Variants in NCKAP5 observed in about 807,000 individuals in gnomAD.
NCKAP5 encodes the protein NCK associated protein 5.
A neutral mutation model predicts 167.0 loss-of-function variants in NCKAP5; 92 were observed. That is an observed-to-expected ratio of 0.55 (90% CI 0.47 to 0.66). NCKAP5 has a LOEUF of 0.66. Ranked by LOEUF, NCKAP5 falls within the 30% of genes least tolerant of loss-of-function variation. NCKAP5 has a pLI of 0.00. For missense variants in NCKAP5, 2,378 were observed against 2,315.0 expected (o/e 1.03, Z -0.56); for synonymous variants, 891 against 877.4 (o/e 1.02, Z -0.27).
At chr2:132,917,459 T>A (rs181362053) in intron 8 of NCKAP5, among the ~76,000 whole-genome samples, 5 of 152,330 alleles carry the variant, frequency 3.3e-5, no homozygotes, top group African/African-American at 1.2e-4. Flanking sequence ...CATTTTGTCC[T>A]TTAATCTATT....
At chr2:132,775,823 T>C (rs1052939596) in intron 15 of NCKAP5, among the ~76,000 whole-genome samples, 9 of 152,214 alleles carry the variant, frequency 5.9e-5, no homozygotes, top group African/African-American at 1.9e-4. Flanking sequence ...TCAGCTCTTA[T>C]GGCAATATGT....
chr2:133,141,958 G>A (rs2083015165), intron 5 of NCKAP5, among the ~76,000 whole-genome samples: 1 of 152,118 alleles, frequency 6.6e-6, no homozygotes, highest in Non-Finnish European at 1.5e-5. Flanking sequence ...CTAATCACAA[G>A]CTTTGGTTCA....
chr2:132,724,143 G>A (rs1345387357), intron 19 of NCKAP5, among the ~76,000 whole-genome samples: 1 of 151,996 alleles, frequency 6.6e-6, no homozygotes, highest in African/African-American at 2.4e-5. Context: ...AGCTCTCTCT[G>A]CTCAAAAGTC....
intron 5 of NCKAP5, among the ~76,000 whole-genome samples, chr2:133,158,842 A>G (rs908565166): frequency 1.3e-5 from 2 of 151,930 alleles, no homozygotes; most frequent in African/African-American, 4.8e-5. Context: ...CAGAGAACCT[A>G]CTGCTCTTCT....
rs529241417 is a variant in NCKAP5 at position 133,235,853 on chromosome 2, G to A, written c.144-22074C>T. On this transcript the variant is annotated intron_variant, in intron 4 of 19. Coordinates refer to ENST00000409261, the MANE Select transcript of NCKAP5 (RefSeq NM_207363.3). ...CGGGAGGCAGATGTTGCAGTGAGCC[G>A]AGATTGTGCCATCGCACTCCAGCCT... Among the ~76,000 whole-genome samples, 667 of 150,986 alleles carry A rather than the reference G, an allele frequency of 4.4e-3. 5 individuals carry two copies. Among genetic ancestry groups the A allele is most frequent in the African/African-American group, 0.015 (634 of 41,116 alleles).
intron 6 of NCKAP5, among the ~76,000 whole-genome samples, chr2:133,039,880 C>T (rs2079156099): frequency 6.6e-6 from 1 of 152,156 alleles, no homozygotes; most frequent in Non-Finnish European, 1.5e-5. Flanking sequence ...CATATCTATG[C>T]ATAACAGGGC....
rs1232359517 is a variant in NCKAP5 at position 132,749,713 on chromosome 2, C to A, written c.5129-17662G>T. ...TATAAAGGTAGCATTTTTTTTTTTA[C>A]TTAAAATACATATAAGACAAAATAC... On this transcript the variant is annotated intron_variant, in intron 16 of 19. Coordinates refer to ENST00000409261, the MANE Select transcript of NCKAP5 (RefSeq NM_207363.3). Among the ~76,000 whole-genome samples, 4 of 143,650 alleles carry A rather than the reference C, an allele frequency of 2.8e-5. No homozygotes were observed. The East Asian group carries it at 8.3e-4, about 30-fold the overall frequency. 94.2% of individuals were successfully genotyped at this position (143,650 alleles called of 152,430 possible). A position where few individuals can be genotyped will look rare whatever the true frequency, so the allele number is the denominator to read the frequency against.
intron 6 of NCKAP5, among the ~76,000 whole-genome samples, chr2:133,119,532 A>G (rs79105225): frequency 0.11 from 17,491 of 152,230 alleles, 1,246 homozygotes; most frequent in East Asian, 0.37. Context: ...CTAGAAGAGA[A>G]TAATTTGAAT....
chr2:133,239,613 G>T (rs1241235815), intron 4 of NCKAP5, among the ~76,000 whole-genome samples: 2 of 152,106 alleles, frequency 1.3e-5, no homozygotes, highest in Non-Finnish European at 2.9e-5. Flanking sequence ...TCACACCAAA[G>T]AATTATTTTA....
At chr2:133,049,638 A>C (rs1046885521) in intron 6 of NCKAP5, among the ~76,000 whole-genome samples, 4 of 152,118 alleles carry the variant, frequency 2.6e-5, no homozygotes, top group African/African-American at 7.2e-5. Context: ...AAGTGGTAGA[A>C]AATACTAACT....
At chr2:132,884,224 G>A (rs527897295) in intron 8 of NCKAP5, among the ~76,000 whole-genome samples, 17 of 152,314 alleles carry the variant, frequency 1.1e-4, no homozygotes, top group East Asian at 1.9e-4. Context: ...CACACAGCAC[G>A]ATCCTTCTGT....
intron 4 of NCKAP5, among the ~76,000 whole-genome samples, chr2:133,216,278 CTTT>C (rs2086425987): frequency 6.6e-6 from 1 of 151,084 alleles, no homozygotes; most frequent in Admixed American, 6.6e-5. Flanking sequence ...ATTTTTTTTT[CTTT>C]TCTTGGTAAA....
At chr2:133,516,090 C>T (rs1252087737) in intron 3 of NCKAP5, among the ~76,000 whole-genome samples, 1 of 152,208 alleles carries the variant, frequency 6.6e-6, no homozygotes, top group Non-Finnish European at 1.5e-5. Context: ...TCTTGAGCTG[C>T]TCACATCATA....
At chr2:133,384,484 T>C (rs1280728130) in intron 3 of NCKAP5, among the ~76,000 whole-genome samples, 1 of 152,240 alleles carries the variant, frequency 6.6e-6, no homozygotes, top group Non-Finnish European at 1.5e-5. Flanking sequence ...TGAAGTCAGG[T>C]AGCGTGATGC....
intron 8 of NCKAP5, among the ~76,000 whole-genome samples, chr2:132,908,074 T>C (rs538252018): frequency 2.0e-5 from 3 of 152,362 alleles, no homozygotes; most frequent in African/African-American, 7.2e-5. Context: ...CTAGACACTT[T>C]TAACAGTTAC....
chr2:132,704,880 C>T (rs1185056576), intron 19 of NCKAP5, among the ~76,000 whole-genome samples: 2 of 152,168 alleles, frequency 1.3e-5, no homozygotes, highest in Non-Finnish European at 2.9e-5. Context: ...TCATTTAACT[C>T]ACAATTACTA....
intron 4 of NCKAP5, chr2:133,268,847 A>G (rs534881393): frequency 1.3e-5 from 2 of 152,334 alleles, no homozygotes; most frequent in South Asian, 4.1e-4. Flanking sequence ...ATTACTATTC[A>G]ATAAAAATTT....
intron 7 of NCKAP5, among the ~76,000 whole-genome samples, chr2:132,976,868 G>T (rs1234269603): frequency 1.3e-5 from 2 of 152,064 alleles, no homozygotes; most frequent in East Asian, 3.9e-4. Context: ...AGAAAACACG[G>T]TCAATATCAT....
At chr2:132,833,831 T>G (rs1558835663) in intron 11 of NCKAP5, among the ~76,000 whole-genome samples, 1 of 152,216 alleles carries the variant, frequency 6.6e-6, no homozygotes, top group Non-Finnish European at 1.5e-5. Flanking sequence ...AGGATTACTT[T>G]GACTATTTGG....
Sources: allele counts gnomAD v4.1 joint callset (sites outside exome capture counted in the v4.1 genomes callset), GRCh38; gene constraint gnomAD v4.1.1; transcripts MANE v1.5; gene names NCBI Gene and HGNC (gene_info 2026-07-23, HGNC 2026-07-21).